RAB31: variants seen among roughly 807,000 people sequenced by gnomAD.
The protein encoded by RAB31 is ras-related protein Rab-31.
RAB31 carries 21 observed loss-of-function variants against 25.6 expected under a neutral mutation model. The ratio of observed to expected loss-of-function variants is 0.82; its 90% confidence interval spans 0.58 to 1.18. The LOEUF is 1.18. Among genes scored for constraint, RAB31 ranks in the 50% most tolerant of loss-of-function variants. The pLI is 0.00. For synonymous variants in RAB31, 87 were observed against 84.0 expected, an observed-to-expected ratio of 1.04 and a Z score of -0.20; for missense variants, 196 against 250.1, an observed-to-expected ratio of 0.78 and a Z score of 1.46.
At chr18:9,754,493 T>C (rs140369098) in intron 1 of RAB31, among the ~76,000 whole-genome samples, 289 of 152,290 alleles carry the variant, frequency 1.9e-3, no homozygotes, top group African/African-American at 6.8e-3. Context: ...TTGGTCAGGC[T>C]GCTCTCGAAC....
intron 2 of RAB31, among the ~76,000 whole-genome samples, chr18:9,780,946 A>G (rs2068400524): frequency 8.7e-6 from 1 of 114,334 alleles, no homozygotes; most frequent in African/African-American, 4.7e-5. Flanking sequence ...AAAAAACAAA[A>G]CAAAACAGAA....
chr18:9,817,114 C>T (rs1021922738), intron 5 of RAB31, among the ~76,000 whole-genome samples: 2 of 151,990 alleles, frequency 1.3e-5, no homozygotes, highest in African/African-American at 4.8e-5. Flanking sequence ...ACAGCTTACT[C>T]ATCTAGTGTT....
chr18:9,739,068 C>A (rs572983722), intron 1 of RAB31, among the ~76,000 whole-genome samples: 1 of 152,020 alleles, frequency 6.6e-6, no homozygotes, highest in Non-Finnish European at 1.5e-5. Context: ...GTGGCATGTT[C>A]CAAATAAAAA....
rs1292325022 is a variant in RAB31, at chr18:9,708,315, C to A, written c.-91C>A. ...CGGTTCCGCCCGCGGGCGGCGCGAGCGAGGGGCAGAGGCGAGAGACGCCGG... is the reference window on the plus strand; with the variant it reads ...CGGTTCCGCCCGCGGGCGGCGCGAGAGAGGGGCAGAGGCGAGAGACGCCGG... On this transcript the variant is annotated 5_prime_UTR_variant, in exon 1 of 7. Transcript: ENST00000578921. The surrounding 1 kb of genome is among the most constrained non-coding windows in gnomAD (Gnocchi z 6.4). 3 of 959,406 alleles carry A rather than the reference C, an allele frequency of 3.1e-6. No individual in the cohort carries two copies. The South Asian group carries it at 1.3e-4, about 42-fold the overall frequency. 59.4% of individuals were successfully genotyped at this position (959,406 alleles called of 1,614,324 possible). A position where few individuals can be genotyped will look rare whatever the true frequency, so the allele number is the denominator to read the frequency against.
At chr18:9,829,486 C>T (rs1047100736) in intron 5 of RAB31, among the ~76,000 whole-genome samples, 2 of 152,290 alleles carry the variant, frequency 1.3e-5, no homozygotes, top group African/African-American at 2.4e-5. Context: ...TTATTTCTGG[C>T]GTGGTGTTAC....
chr18:9,754,639 A>G (rs2068251906), intron 1 of RAB31, among the ~76,000 whole-genome samples: 1 of 152,176 alleles, frequency 6.6e-6, no homozygotes, highest in Admixed American at 6.5e-5. Flanking sequence ...TTTACATAGC[A>G]TTTATGTTGT....
intron 2 of RAB31, among the ~76,000 whole-genome samples, chr18:9,781,850 C>T (rs971424390): frequency 6.6e-6 from 1 of 152,208 alleles, no homozygotes; most frequent in African/African-American, 2.4e-5. Context: ...AAATGGAACA[C>T]TTTTAAAACG....
intron 3 of RAB31, 90 bp from the exon 4 acceptor site, chr18:9,813,930 G>T: frequency 1.2e-6 from 1 of 804,132 alleles, no homozygotes; most frequent in South Asian, 1.6e-5. Context: ...GATCCTGTAA[G>T]GATGATGTAG....
intron 1 of RAB31, among the ~76,000 whole-genome samples, chr18:9,747,055 A>C (rs191651493): frequency 5.9e-5 from 9 of 152,368 alleles, no homozygotes; most frequent in Non-Finnish European, 1.3e-4. Context: ...GTACTTTTAC[A>C]ATTCAACACA....
At chr18:9,712,195 C>G (rs139690444) in intron 1 of RAB31, among the ~76,000 whole-genome samples, 1 of 152,360 alleles carries the variant, frequency 6.6e-6, no homozygotes, top group Non-Finnish European at 1.5e-5. Context: ...GGAACATTCT[C>G]TGAATGCTTT....
At chr18:9,819,824 A>G (rs539596691) in intron 5 of RAB31, among the ~76,000 whole-genome samples, 2 of 151,934 alleles carry the variant, frequency 1.3e-5, no homozygotes, top group African/African-American at 4.8e-5. Flanking sequence ...TTTTGATGGT[A>G]TTGTGAATGG....
chr18:9,738,455 A>G (rs1021943653), intron 1 of RAB31, among the ~76,000 whole-genome samples: 2 of 152,132 alleles, frequency 1.3e-5, no homozygotes, highest in South Asian at 2.1e-4. Flanking sequence ...ACCAGTGGCC[A>G]TTGGTTTAAT....
At chr18:9,763,728 A>T (rs921299900) in intron 1 of RAB31, among the ~76,000 whole-genome samples, 5 of 152,100 alleles carry the variant, frequency 3.3e-5, no homozygotes, top group African/African-American at 1.2e-4. Flanking sequence ...AATAGCTGAT[A>T]CTTTTCCATA....
chr18:9,802,976 G>A (rs1165407702), intron 3 of RAB31, among the ~76,000 whole-genome samples: 25 of 152,200 alleles, frequency 1.6e-4, no homozygotes, highest in Admixed American at 1.6e-3. Context: ...GGAAGTTCTT[G>A]AAGAATGGAG....
intron 3 of RAB31, among the ~76,000 whole-genome samples, chr18:9,810,943 A>T (rs916784342): frequency 1.8e-4 from 27 of 152,116 alleles, no homozygotes; most frequent in Non-Finnish European, 3.4e-4. Context: ...AGGAATGTTT[A>T]AAAAAAATTA....
At chr18:9,802,008 ACT>A (rs1479363549) in intron 3 of RAB31, among the ~76,000 whole-genome samples, 2 of 152,234 alleles carry the variant, frequency 1.3e-5, no homozygotes, top group African/African-American at 2.4e-5. Flanking sequence ...CTGATTCTGG[ACT>A]CTGAGTTCTA....
At chr18:9,726,829 A>T (rs547906823) in intron 1 of RAB31, among the ~76,000 whole-genome samples, 25 of 152,290 alleles carry the variant, frequency 1.6e-4, no homozygotes, top group Middle Eastern at 6.8e-3. Context: ...GACTTTCACA[A>T]ATGGAACAGA....
At chr18:9,741,655 A>C (rs937255001) in intron 1 of RAB31, among the ~76,000 whole-genome samples, 3 of 152,140 alleles carry the variant, frequency 2.0e-5, no homozygotes. Context: ...CAGCACGTAC[A>C]TGTCCATGGC....
Position 9,796,721 on chromosome 18 carries a change from A to T in RAB31, c.201+4486A>T, listed in dbSNP as rs75190605. 7.6e-4 allele frequency among the ~76,000 whole-genome samples: 115 copies of T among 152,156 alleles called. 1 individual carries two copies. The East Asian group carries it at 0.021, about 28-fold the overall frequency. ...GCTTTACCCACTTTTTTCTTGAGTA[A>T]TTTGTAAGAATCTCTTAACATTAAA... On this transcript the variant is annotated intron_variant, in intron 3 of 6. Coordinates refer to ENST00000578921, the MANE Select transcript of RAB31 (RefSeq NM_006868.4).
Sources: allele counts gnomAD v4.1 joint callset (sites outside exome capture counted in the v4.1 genomes callset), GRCh38; gene constraint gnomAD v4.1.1; non-coding constraint Gnocchi (gnomAD v3.1); transcripts MANE v1.5; gene names NCBI Gene and HGNC (gene_info 2026-07-23, HGNC 2026-07-21).